The following RFC3 variants were observed in gnomAD, a reference collection of about 807,000 sequenced individuals.
RFC3 encodes the protein A1 38 kDa subunit.
RFC3 carries 41 observed loss-of-function variants against 45.1 expected under a neutral mutation model. That is an observed-to-expected ratio of 0.91 (90% confidence interval 0.71 to 1.18). RFC3 has a LOEUF of 1.18. RFC3 is among the 50% of genes most tolerant of loss of function. RFC3 has a pLI of 0.00. For synonymous variants in RFC3, 149 were observed against 144.0 expected, an observed-to-expected ratio of 1.03 and a Z score of -0.25; for missense variants, 423 against 428.1, an observed-to-expected ratio of 0.99 and a Z score of 0.10.
At chr13:33,902,236 G>A (rs1480883495) in intron 8 of RFC3, among the ~76,000 whole-genome samples, 1 of 152,010 alleles carries the variant, frequency 6.6e-6, no homozygotes, top group Non-Finnish European at 1.5e-5. Flanking sequence ...CAAGCATAAC[G>A]CTGACCCTAT....
chr13:33,967,521 T>C (rs1178532559), downstream of RFC3, among the ~76,000 whole-genome samples: 1 of 135,766 alleles, frequency 7.4e-6, no homozygotes, highest in Non-Finnish European at 1.5e-5. Flanking sequence ...GGAGTCTTGC[T>C]CTGTCATCCA....
At chr13:33,843,670 A>G (rs2082216485) in intron 8 of RFC3, among the ~76,000 whole-genome samples, 1 of 152,180 alleles carries the variant, frequency 6.6e-6, no homozygotes, top group African/African-American at 2.4e-5. Flanking sequence ...TTTGAACTAG[A>G]CATTATGATC....
At chr13:33,922,542 T>C (rs989839723) in intron 8 of RFC3, among the ~76,000 whole-genome samples, 22 of 152,150 alleles carry the variant, frequency 1.4e-4, no homozygotes, top group South Asian at 2.1e-4. Context: ...TTAATAAATG[T>C]TAAAATGGTC....
At chr13:33,959,523 C>A (rs1165699453) in intron 8 of RFC3, among the ~76,000 whole-genome samples, 1 of 152,166 alleles carries the variant, frequency 6.6e-6, no homozygotes, top group East Asian at 1.9e-4. Flanking sequence ...CCTATGAAAT[C>A]ATTCTCAATC....
chr13:33,930,241 G>A (rs9570609), intron 8 of RFC3, among the ~76,000 whole-genome samples: 17,106 of 152,090 alleles, frequency 0.11, 2,042 homozygotes, highest in African/African-American at 0.3. Context: ...GCAATAGGCC[G>A]TCTGCAAGTT....
the RFC3 span, among the ~76,000 whole-genome samples, chr13:33,973,403 C>T: frequency 9.0e-3 from 1,371 of 152,206 alleles, 7 homozygotes; most frequent in Non-Finnish European, 0.015. Context: ...TTATTTCTGC[C>T]TTCATTGAAA....
intron 3 of RFC3, among the ~76,000 whole-genome samples, chr13:33,824,190 A>C (rs1214474718): frequency 6.6e-6 from 1 of 152,152 alleles, no homozygotes; most frequent in East Asian, 1.9e-4. Flanking sequence ...TAATTTCAAC[A>C]ATGTATTTAC....
chr13:33,835,797 CTA>C (rs2082148228), intron 8 of RFC3, among the ~76,000 whole-genome samples: 2 of 152,086 alleles, frequency 1.3e-5, no homozygotes, highest in African/African-American at 2.4e-5. Flanking sequence ...TTTAGGTTGT[CTA>C]CAAATTATTA....
At chr13:33,935,952 T>C (rs2082883467) in intron 8 of RFC3, among the ~76,000 whole-genome samples, 1 of 152,208 alleles carries the variant, frequency 6.6e-6, no homozygotes, top group African/African-American at 2.4e-5. Flanking sequence ...ATGAACAGCA[T>C]GGGCAGGTCC....
intron 8 of RFC3, among the ~76,000 whole-genome samples, chr13:33,924,705 ATGTGTG>A (rs34618705): frequency 3.6e-5 from 5 of 139,836 alleles, no homozygotes; most frequent in Non-Finnish European, 7.8e-5. Context: ...CATTGTGTGT[ATGTGTG>A]TGTGTGTGTG....
chr13:33,830,688 G>T, intron 5 of RFC3, 31 bp from the exon 6 acceptor site: 1 of 1,581,138 alleles, frequency 6.3e-7, no homozygotes, highest in Non-Finnish European at 8.6e-7. Context: ...CTTTTTAATG[G>T]ATTGCCCATT....
chr13:33,828,390 C>T (rs1469341391), intron 4 of RFC3, among the ~76,000 whole-genome samples: 1 of 152,170 alleles, frequency 6.6e-6, no homozygotes, highest in South Asian at 2.1e-4. Flanking sequence ...AGCCACTGCA[C>T]CAGCCACAGC....
At chr13:33,869,710 C>T (rs562521460) in intron 8 of RFC3, among the ~76,000 whole-genome samples, 1 of 152,222 alleles carries the variant, frequency 6.6e-6, no homozygotes, top group Non-Finnish European at 1.5e-5. Flanking sequence ...TCAAATCCTG[C>T]AGGGAAAGTG....
intron 8 of RFC3, among the ~76,000 whole-genome samples, chr13:33,946,346 G>A (rs922826350): frequency 6.6e-6 from 1 of 152,220 alleles, no homozygotes; most frequent in East Asian, 1.9e-4. Context: ...TGGGATTGCT[G>A]TATACATTGG....
At chr13:33,952,954 T>C (rs1299115595) in intron 8 of RFC3, among the ~76,000 whole-genome samples, 2 of 152,228 alleles carry the variant, frequency 1.3e-5, no homozygotes, top group African/African-American at 4.8e-5. Flanking sequence ...TGGGGAGACA[T>C]TCAAATATTT....
exon 9 of RFC3, chr13:33,966,459 C>T (rs2083088430): frequency 3.1e-6 from 1 of 320,134 alleles, no homozygotes; most frequent in African/African-American, 2.0e-5. Context: ...TGTATCCCTA[C>T]ATCTAACTCA....
chr13:33,959,150 C>G (rs983614201), intron 8 of RFC3, among the ~76,000 whole-genome samples: 10 of 152,144 alleles, frequency 6.6e-5, no homozygotes, highest in Non-Finnish European at 1.0e-4. Context: ...GCTTCAGTGA[C>G]TTTATTTAAA....
intron 5 of RFC3, 68 bp from the exon 6 acceptor site, chr13:33,830,651 A>T: frequency 5.4e-6 from 7 of 1,289,248 alleles, no homozygotes; most frequent in Non-Finnish European, 7.7e-6. Context: ...GTCTAGGAGG[A>T]TATCAACAGA....
chr13:33,826,021 T>C lies in RFC3; in HGVS notation c.391+135T>C, dbSNP rs55829942. ...GAGTTTATAGTCTAATGGAATTGAA[T>C]TTTATGTGAAAGAGGATTATTTGTG... is the stretch of plus-strand genomic sequence containing the variant. On this transcript the variant is annotated intron_variant, in intron 4 of 8. Transcript: ENST00000380071. The C allele has an allele frequency of 1.6e-4, 67 of 425,548 alleles. 1 individual carries two copies. The highest frequency in any genetic ancestry group is 1.3e-3 in the African/African-American group (65 of 49,070). 26.4% of individuals were successfully genotyped at this position (425,548 alleles called of 1,614,324 possible).
Sources: allele counts gnomAD v4.1 joint callset (sites outside exome capture counted in the v4.1 genomes callset), GRCh38; gene constraint gnomAD v4.1.1; transcripts MANE v1.5; gene names NCBI Gene and HGNC (gene_info 2026-07-23, HGNC 2026-07-21).